The following TBX15 variants were observed in gnomAD, a reference collection of about 807,000 sequenced individuals.
TBX15 encodes T-box transcription factor 15.
In TBX15, 18 loss-of-function variants were observed where a neutral mutation model predicts 53.9. The observed-to-expected ratio is 0.33, with a 90% CI of 0.23 to 0.49. The LOEUF (loss-of-function observed/expected upper bound fraction) is 0.49. Among genes scored for constraint, TBX15 ranks in the 20% least tolerant of loss-of-function variants. The pLI is 0.98. For missense variants in TBX15, 692 were observed against 749.5 expected (o/e 0.92, Z 0.90); for synonymous variants, 295 against 278.0 (o/e 1.06, Z -0.61).
intron 6 of TBX15, among the ~76,000 whole-genome samples, chr1:118,909,833 G>A (rs897252167): frequency 7.2e-5 from 11 of 152,044 alleles, no homozygotes; most frequent in African/African-American, 2.2e-4. Context: ...CACCCACCTC[G>A]GCCTCCCAAA....
chr1:118,970,617 C>T (rs753896496), intron 1 of TBX15, among the ~76,000 whole-genome samples: 8 of 152,294 alleles, frequency 5.3e-5, no homozygotes, highest in Non-Finnish European at 1.2e-4. Context: ...TGTGTCAGAA[C>T]CAAAACAGTA....
At chr1:118,944,624 C>T (rs1656287736) in intron 1 of TBX15, among the ~76,000 whole-genome samples, 1 of 152,164 alleles carries the variant, frequency 6.6e-6, no homozygotes, top group East Asian at 1.9e-4. Context: ...GCCGAGACAG[C>T]AGGATTTCCT....
At chr1:118,966,648 T>C (rs1383426788) in intron 1 of TBX15, among the ~76,000 whole-genome samples, 1 of 152,182 alleles carries the variant, frequency 6.6e-6, no homozygotes, top group East Asian at 1.9e-4. Flanking sequence ...AGGCTGGGCA[T>C]TTTAGCAGGA....
intron 6 of TBX15, among the ~76,000 whole-genome samples, chr1:118,903,405 A>G (rs73007547): frequency 0.023 from 3,503 of 152,296 alleles, 130 homozygotes; most frequent in African/African-American, 0.08. Context: ...TTCAGCAAAT[A>G]TTTGATAAGT....
intron 1 of TBX15, among the ~76,000 whole-genome samples, chr1:118,938,267 TTC>T (rs1041171184): frequency 6.6e-6 from 1 of 152,150 alleles, no homozygotes; most frequent in African/African-American, 2.4e-5. Context: ...GCCCTCCAAG[TTC>T]TATTTGGGAA....
intron 1 of TBX15, among the ~76,000 whole-genome samples, chr1:118,950,877 T>C (rs1656492361): frequency 6.6e-6 from 1 of 152,136 alleles, no homozygotes; most frequent in Non-Finnish European, 1.5e-5. Context: ...AGTCCAAACA[T>C]CACCATGTCA....
At chr1:118,931,195 A>G (rs1428363974) in intron 2 of TBX15, among the ~76,000 whole-genome samples, 1 of 152,268 alleles carries the variant, frequency 6.6e-6, no homozygotes, top group Non-Finnish European at 1.5e-5. Context: ...ATATGCATCA[A>G]GTCAATTCTT....
At chr1:118,982,055 A>G (rs894813943) in intron 1 of TBX15, among the ~76,000 whole-genome samples, 2 of 152,236 alleles carry the variant, frequency 1.3e-5, no homozygotes, top group Non-Finnish European at 2.9e-5. Flanking sequence ...ATTTTCTCCT[A>G]TTGAACAACT....
chr1:118,935,212 G>A (rs1158264317), intron 1 of TBX15, among the ~76,000 whole-genome samples: 1 of 151,868 alleles, frequency 6.6e-6, no homozygotes, highest in African/African-American at 2.4e-5. Context: ...AAAATATTTT[G>A]GCTAACCAGA....
intron 7 of TBX15, among the ~76,000 whole-genome samples, chr1:118,887,667 C>T (rs979288659): frequency 2.2e-5 from 3 of 136,118 alleles, no homozygotes; most frequent in African/African-American, 9.1e-5. Flanking sequence ...AAGAGCAAAA[C>T]TCTCAAAAAA....
Position 118,968,370 on chromosome 1 carries a change from C to T in TBX15, c.205+19221G>A, listed in dbSNP as rs117386938. Among the ~76,000 whole-genome samples, 70 of 152,152 alleles carry T rather than the reference C, an allele frequency of 4.6e-4. No individual in the cohort carries two copies. In the East Asian group the frequency reaches 0.012, roughly 27 times the overall value. ...GCTGGGATTACAGGCATGCATCACA[C>T]TAATTTTTGTATTTTTAGTAGAGAT... On this transcript the variant is annotated intron_variant, in intron 1 of 7. Transcript: ENST00000369429.
chr1:118,958,100 A>G (rs1054662626), intron 1 of TBX15, among the ~76,000 whole-genome samples: 2 of 152,256 alleles, frequency 1.3e-5, no homozygotes, highest in Admixed American at 1.3e-4. Flanking sequence ...GTGTCCCCAC[A>G]AAATTCTTAT....
intron 1 of TBX15, among the ~76,000 whole-genome samples, chr1:118,973,022 C>T (rs1316909878): frequency 6.6e-6 from 1 of 152,168 alleles, no homozygotes; most frequent in Non-Finnish European, 1.5e-5. Flanking sequence ...CCAAATATGA[C>T]AGGAATATTC....
At chr1:118,956,644 A>G (rs1656697997) in intron 1 of TBX15, among the ~76,000 whole-genome samples, 1 of 152,200 alleles carries the variant, frequency 6.6e-6, no homozygotes, top group Non-Finnish European at 1.5e-5. Flanking sequence ...AAAGATATTC[A>G]TAGTCTTTTA....
At chr1:118,939,197 A>G (rs1481999086) in intron 1 of TBX15, among the ~76,000 whole-genome samples, 1 of 151,902 alleles carries the variant, frequency 6.6e-6, no homozygotes, top group Non-Finnish European at 1.5e-5. Context: ...GCTTGAGCCC[A>G]GGAGTTTGAG....
At chr1:118,895,377 T>C (rs950327117) in intron 7 of TBX15, among the ~76,000 whole-genome samples, 4 of 152,184 alleles carry the variant, frequency 2.6e-5, no homozygotes, top group African/African-American at 7.2e-5. Flanking sequence ...AGTTATCAAA[T>C]AGCTTGAAGT....
In TBX15 at chr1:118,884,838, A is replaced by C; in HGVS notation, c.1703T>G (p.Met568Arg). The change falls in exon 8 of 8, where the codon ATG becomes AGG. Residue 568 changes from methionine (M) to arginine (R), a missense_variant. Coordinates refer to ENST00000369429, the MANE Select transcript of TBX15 (RefSeq NM_001330677.2). The stretch of plus-strand genomic sequence containing the variant: ...TTGGTTATTGGGTGAAGGGCTAATC[A>C]TGTGCATGCTGTGCTCCATCCCTGA... The part of the protein sequence containing the change: ...LPSGMEHSMH[M>R]ISPSPNNQQA... The C allele has an allele frequency of 1.2e-6, 2 of 1,614,170 alleles. No homozygotes were observed. Among genetic ancestry groups the C allele is most frequent in the Non-Finnish European group, 1.7e-6 (2 of 1,180,026 alleles).
intron 3 of TBX15, 140 bp from the exon 4 acceptor site, chr1:118,924,957 G>A (rs1204847713): frequency 1.1e-6 from 1 of 895,714 alleles, no homozygotes; most frequent in Non-Finnish European, 1.8e-6. Context: ...AAGAAACAGA[G>A]ACTCAAAGGA....
chr1:118,939,015 A>T (rs982861576), intron 1 of TBX15, among the ~76,000 whole-genome samples: 1 of 152,306 alleles, frequency 6.6e-6, no homozygotes, highest in Middle Eastern at 3.4e-3. Flanking sequence ...AATGTGGTAC[A>T]TATATACCAT....
Sources: gnomAD v4.1 joint callset for allele counts (sites outside exome capture counted in the v4.1 genomes callset) on GRCh38, gnomAD v4.1.1 for gene constraint, MANE v1.5 for transcripts, NCBI Gene and HGNC (gene_info 2026-07-23, HGNC 2026-07-21) for gene names.